FOXN2: variants seen among roughly 807,000 people sequenced by gnomAD.
FOXN2 encodes the protein forkhead box N2, also known as forkhead box protein N2.
A neutral mutation model predicts 41.2 loss-of-function variants in FOXN2; 19 were observed. The ratio of observed to expected loss-of-function variants is 0.46; its 90% CI spans 0.32 to 0.68. FOXN2 has a LOEUF of 0.68. Ranked by LOEUF, FOXN2 falls within the 30% of genes least tolerant of loss-of-function variation. The pLI is 0.03. For synonymous variants in FOXN2, 195 were observed against 176.8 expected, an observed-to-expected ratio of 1.10 and a Z score of -0.82; for missense variants, 587 against 509.4, an observed-to-expected ratio of 1.15 and a Z score of -1.47.
chr2:48,345,904 G>A (rs1333487676), intron 2 of FOXN2, among the ~76,000 whole-genome samples: 3 of 152,150 alleles, frequency 2.0e-5, no homozygotes, highest in African/African-American at 4.8e-5. Flanking sequence ...TAGGTGATTA[G>A]TGTGGGCTAG....
chr2:48,339,404 T>C (rs1670588969), intron 2 of FOXN2, among the ~76,000 whole-genome samples: 1 of 152,268 alleles, frequency 6.6e-6, no homozygotes. Flanking sequence ...AAGGGGCTTT[T>C]CCCCAGTTTG....
intron 3 of FOXN2, among the ~76,000 whole-genome samples, chr2:48,350,303 C>G (rs1180384717): frequency 6.6e-6 from 1 of 152,224 alleles, no homozygotes; most frequent in Admixed American, 6.5e-5. Flanking sequence ...AGGTCTTGGA[C>G]AAAAGTGAGT....
At chr2:48,359,261 T>TTA (rs1672012902) in intron 4 of FOXN2, 114 bp downstream of exon 4, 1 of 741,376 alleles carries the variant, frequency 1.3e-6, no homozygotes. Context: ...AAAGAAGTAT[T>TTA]TATGTTTTAT....
chr2:48,349,561 G>T (rs1055264700), intron 3 of FOXN2, among the ~76,000 whole-genome samples: 1 of 152,114 alleles, frequency 6.6e-6, no homozygotes, highest in South Asian at 2.1e-4. Flanking sequence ...TTCACCTGAG[G>T]TTGGGAGTTC....
chr2:48,343,719 A>G (rs1351602545), intron 2 of FOXN2, among the ~76,000 whole-genome samples: 1 of 151,978 alleles, frequency 6.6e-6, no homozygotes, highest in Non-Finnish European at 1.5e-5. Flanking sequence ...TGATATCGCC[A>G]CTGTACTACA....
chr2:48,332,323 A>T (rs1201386953), intron 2 of FOXN2, among the ~76,000 whole-genome samples: 1 of 152,250 alleles, frequency 6.6e-6, no homozygotes, highest in Admixed American at 6.5e-5. Flanking sequence ...CATTAATAAC[A>T]AAATATTAAA....
At chr2:48,340,082 G>T (rs1300418997) in intron 2 of FOXN2, among the ~76,000 whole-genome samples, 1 of 152,136 alleles carries the variant, frequency 6.6e-6, no homozygotes, top group African/African-American at 2.4e-5. Context: ...TCTGGGAAAA[G>T]TATAAAGAAA....
chr2:48,335,454 T>C (rs1000393676), intron 2 of FOXN2, among the ~76,000 whole-genome samples: 1 of 151,072 alleles, frequency 6.6e-6, no homozygotes, highest in African/African-American at 2.4e-5. Context: ...AAAGACAGAT[T>C]ACCTCCAAAG....
chr2:48,368,726 T>G (rs1672694130), intron 5 of FOXN2, among the ~76,000 whole-genome samples: 1 of 152,166 alleles, frequency 6.6e-6, no homozygotes, highest in Non-Finnish European at 1.5e-5. Flanking sequence ...ATAGATTGGG[T>G]ACTATAATTA....
At chr2:48,323,637 C>A (rs996313169) in intron 1 of FOXN2, among the ~76,000 whole-genome samples, 2 of 152,078 alleles carry the variant, frequency 1.3e-5, no homozygotes, top group Non-Finnish European at 2.9e-5. Context: ...AGTCGTTTGT[C>A]ACATGTATAG....
chr2:48,324,423 A>T (rs1669533430), intron 1 of FOXN2, among the ~76,000 whole-genome samples: 1 of 152,148 alleles, frequency 6.6e-6, no homozygotes, highest in African/African-American at 2.4e-5. Context: ...CGAACTCCTG[A>T]CCTCAAGTGA....
chr2:48,376,101 A>G lies in FOXN2; in HGVS notation c.*658A>G, dbSNP rs1006580134. The G allele has an allele frequency of 6.6e-6, 1 of 152,180 alleles. No homozygotes were observed. Among genetic ancestry groups the G allele is most frequent in the Non-Finnish European group, 1.5e-5 (1 of 68,022 alleles). 9.4% of individuals were successfully genotyped at this position (152,180 alleles called of 1,614,324 possible). On this transcript the variant is annotated 3_prime_UTR_variant, in exon 7 of 7. Coordinates refer to ENST00000340553, the MANE Select transcript of FOXN2 (RefSeq NM_002158.4). ...GTCATTTCATCCAAGAACACTCCCA[A>G]TTCCTATTAGAATGGTAGCTTTGAA...
At chr2:48,340,326 C>T (rs564224156) in intron 2 of FOXN2, among the ~76,000 whole-genome samples, 28 of 152,194 alleles carry the variant, frequency 1.8e-4, no homozygotes, top group Non-Finnish European at 2.8e-4. Flanking sequence ...AAGCATTTCT[C>T]TCTTACCAAT....
intron 1 of FOXN2, among the ~76,000 whole-genome samples, chr2:48,322,886 G>C (rs1669427469): frequency 6.7e-6 from 1 of 149,932 alleles, no homozygotes; most frequent in South Asian, 2.1e-4. Flanking sequence ...ATTGTTTATA[G>C]GGATGTTATT....
At position 48,347,733 on chromosome 2, in the gene FOXN2, A is replaced by G. The variant is rs185468301; in HGVS notation, c.537+982A>G. On this transcript the variant is annotated intron_variant, in intron 3 of 6. Transcript: ENST00000340553. ...AAAGTTGCTTGGCACCTGATGCCCT[A>G]TTGGATTAATTCCTTTTGCCTGGAG... Among the ~76,000 whole-genome samples the G allele has an allele frequency of 3.3e-4, 50 of 152,254 alleles. 1 individual carries two copies. The highest frequency in any genetic ancestry group is 1.0e-3 in the African/African-American group (43 of 41,538).
intron 5 of FOXN2, among the ~76,000 whole-genome samples, chr2:48,364,936 C>T (rs903256681): frequency 6.6e-6 from 1 of 152,140 alleles, no homozygotes; most frequent in Admixed American, 6.6e-5. Flanking sequence ...AGATATTTCT[C>T]CTGTAGGTTA....
chr2:48,329,983 A>G (rs1253415984), intron 2 of FOXN2, among the ~76,000 whole-genome samples: 2 of 152,102 alleles, frequency 1.3e-5, no homozygotes, highest in South Asian at 2.1e-4. Context: ...TATTTTTGCT[A>G]CTGACTAGAC....
chr2:48,369,743 G>T (rs1672764212), intron 5 of FOXN2, among the ~76,000 whole-genome samples: 1 of 151,964 alleles, frequency 6.6e-6, no homozygotes, highest in South Asian at 2.1e-4. Flanking sequence ...GGCTGGGCAC[G>T]GTGGCTCACA....
chr2:48,362,722 C>G lies in FOXN2; in HGVS notation c.703+15C>G. ...AAACCTCAAAGGTATGTGTGAATAT[C>G]AGTACAGTCATGCACCACACAACAA... On this transcript the variant is annotated intron_variant, in intron 5 of 6. Coordinates refer to ENST00000340553, the MANE Select transcript of FOXN2 (RefSeq NM_002158.4). The G allele has an allele frequency of 6.2e-7, 1 of 1,600,914 alleles. No individual in the cohort carries two copies. Among genetic ancestry groups the G allele is most frequent in the Non-Finnish European group, 8.6e-7 (1 of 1,168,086 alleles).
Sources: gnomAD v4.1 joint callset for allele counts (sites outside exome capture counted in the v4.1 genomes callset) on GRCh38, gnomAD v4.1.1 for gene constraint, MANE v1.5 for transcripts, NCBI Gene and HGNC (gene_info 2026-07-23, HGNC 2026-07-21) for gene names.